UBE3D: variants seen among roughly 807,000 people sequenced by gnomAD.
UBE3D encodes the protein E3 ubiquitin-protein ligase E3D.
UBE3D carries 48 observed loss-of-function variants against 49.6 expected under a neutral mutation model. The observed-to-expected ratio is 0.97, with a 90% CI of 0.77 to 1.23. The LOEUF is 1.23. Among genes scored for constraint, UBE3D ranks in the 50% most tolerant of loss-of-function variants. The pLI is 0.00. For missense variants in UBE3D, 452 were observed against 468.4 expected (o/e 0.96, Z 0.32); for synonymous variants, 189 against 174.2 (o/e 1.08, Z -0.67).
intron 3 of UBE3D, among the ~76,000 whole-genome samples, chr6:83,048,887 C>T (rs1783264535): frequency 6.6e-6 from 1 of 151,728 alleles, no homozygotes; most frequent in Non-Finnish European, 1.5e-5. Flanking sequence ...AAATACATAC[C>T]ATTTTTTTCA....
At chr6:82,972,884 A>C (rs1185453351) in intron 8 of UBE3D, among the ~76,000 whole-genome samples, 1 of 152,190 alleles carries the variant, frequency 6.6e-6, no homozygotes, top group Non-Finnish European at 1.5e-5. Flanking sequence ...CTCTTAAATG[A>C]GCTATGATAG....
At chr6:83,024,687 GT>G (rs1218653411) in intron 5 of UBE3D, among the ~76,000 whole-genome samples, 3 of 152,132 alleles carry the variant, frequency 2.0e-5, no homozygotes, top group African/African-American at 4.8e-5. Flanking sequence ...CCACAGTGAT[GT>G]TTTGGGTCTT....
chr6:82,957,571 A>C, intron 8 of UBE3D, 121 bp from the exon 9 acceptor site: 3 of 1,172,604 alleles, frequency 2.6e-6, no homozygotes, highest in South Asian at 1.7e-5. Flanking sequence ...ACTAGAAATA[A>C]ACTATATTAA....
intron 8 of UBE3D, among the ~76,000 whole-genome samples, chr6:82,993,000 T>C (rs975741425): frequency 6.6e-5 from 10 of 152,032 alleles, no homozygotes; most frequent in African/African-American, 1.9e-4. Flanking sequence ...TATTTACTAA[T>C]GCGGACCTAC....
At chr6:82,896,390 T>C (rs1178036194) in intron 9 of UBE3D, among the ~76,000 whole-genome samples, 2 of 151,104 alleles carry the variant, frequency 1.3e-5, no homozygotes, top group African/African-American at 4.9e-5. Flanking sequence ...TGGAATATAG[T>C]TACAACGTAT....
intron 9 of UBE3D, among the ~76,000 whole-genome samples, chr6:82,911,266 T>C (rs992772099): frequency 2.6e-5 from 4 of 151,220 alleles, no homozygotes; most frequent in African/African-American, 9.8e-5. Flanking sequence ...TCTTTTCATT[T>C]ATTACCTTAA....
intron 9 of UBE3D, among the ~76,000 whole-genome samples, chr6:82,940,959 T>A (rs1346893250): frequency 6.6e-6 from 1 of 152,176 alleles, no homozygotes; most frequent in African/African-American, 2.4e-5. Context: ...ACACCTGTAA[T>A]CGCAGCAATT....
intron 9 of UBE3D, among the ~76,000 whole-genome samples, chr6:82,928,854 AAATTTGACTGTCT>A (rs887147699): frequency 6.6e-6 from 1 of 152,202 alleles, no homozygotes; most frequent in African/African-American, 2.4e-5. Context: ...GAAGTAATAT[AAATTTGACTGTCT>A]TATGGAAATA....
intron 8 of UBE3D, among the ~76,000 whole-genome samples, chr6:82,967,983 T>C (rs575926054): frequency 5.9e-5 from 9 of 152,110 alleles, no homozygotes; most frequent in Non-Finnish European, 1.2e-4. Flanking sequence ...CCATGGAATA[T>C]AATCACAGTT....
chr6:82,963,211 G>A (rs1358286373), intron 8 of UBE3D, among the ~76,000 whole-genome samples: 1 of 135,646 alleles, frequency 7.4e-6, no homozygotes, highest in Middle Eastern at 3.9e-3. Context: ...TTTTTTTTTG[G>A]AGAAAGAAAT....
intron 8 of UBE3D, among the ~76,000 whole-genome samples, chr6:82,996,834 C>G (rs1779274358): frequency 6.6e-6 from 1 of 152,052 alleles, no homozygotes; most frequent in Non-Finnish European, 1.5e-5. Context: ...CTAGAGAAGA[C>G]AAAGGAGATA....
chr6:83,003,358 A>C (rs1779761621), intron 8 of UBE3D, among the ~76,000 whole-genome samples: 1 of 152,214 alleles, frequency 6.6e-6, no homozygotes, highest in South Asian at 2.1e-4. Flanking sequence ...TGAAGAGAAT[A>C]ACTGCTTTTC....
intron 8 of UBE3D, among the ~76,000 whole-genome samples, chr6:82,963,897 T>G (rs1375913186): frequency 2.0e-5 from 3 of 152,204 alleles, no homozygotes; most frequent in Non-Finnish European, 2.9e-5. Flanking sequence ...TTTCTGGTAT[T>G]TCCTATAAAG....
chr6:82,987,260 C>G (rs534730822), intron 8 of UBE3D, among the ~76,000 whole-genome samples: 1 of 152,252 alleles, frequency 6.6e-6, no homozygotes, highest in South Asian at 2.1e-4. Context: ...GTAATCCTTC[C>G]ACCTCAGCTA....
At chr6:82,982,943 T>C (rs1247624678) in intron 8 of UBE3D, among the ~76,000 whole-genome samples, 2 of 152,150 alleles carry the variant, frequency 1.3e-5, no homozygotes, top group African/African-American at 4.8e-5. Flanking sequence ...TTTTCAAAGC[T>C]ATGATGGTTC....
intron 8 of UBE3D, among the ~76,000 whole-genome samples, chr6:82,971,797 T>C (rs939318978): frequency 2.0e-5 from 3 of 152,168 alleles, no homozygotes; most frequent in Admixed American, 6.5e-5. Context: ...AAAAAACATG[T>C]CAGGAAATAT....
chr6:82,885,655 T>TA, the UBE3D span, among the ~76,000 whole-genome samples: 1 of 152,124 alleles, frequency 6.6e-6, no homozygotes, highest in Non-Finnish European at 1.5e-5. Context: ...CAAAAAGCCC[T>TA]CAAGGGTACA....
chr6:82,981,007 G>T (rs1178375639), intron 8 of UBE3D, among the ~76,000 whole-genome samples: 1 of 151,890 alleles, frequency 6.6e-6, no homozygotes, highest in Admixed American at 6.6e-5. Context: ...TTTAATCAAC[G>T]TAGTGATCAT....
At chr6:82,974,183 A>G (rs1582515523) in intron 8 of UBE3D, among the ~76,000 whole-genome samples, 1 of 152,220 alleles carries the variant, frequency 6.6e-6, no homozygotes, top group African/African-American at 2.4e-5. Flanking sequence ...TAATGTGCAC[A>G]ATAAATGTAA....
Sources: gnomAD v4.1 joint callset for allele counts (sites outside exome capture counted in the v4.1 genomes callset) on GRCh38, gnomAD v4.1.1 for gene constraint, MANE v1.5 for transcripts, NCBI Gene and HGNC (gene_info 2026-07-23, HGNC 2026-07-21) for gene names.